AGO2: variants seen among roughly 807,000 people sequenced by gnomAD.
AGO2 encodes protein argonaute-2.
AGO2 carries 5 observed loss-of-function variants against 102.3 expected under a neutral mutation model. The ratio of observed to expected loss-of-function variants is 0.05; its 90% CI spans 0.03 to 0.10. The LOEUF is 0.10. Among genes scored for constraint, AGO2 ranks in the 10% least tolerant of loss-of-function variants. AGO2 has a pLI of 1.00. For synonymous variants in AGO2, 449 were observed against 473.1 expected, an observed-to-expected ratio of 0.95 and a Z score of 0.66; for missense variants, 541 against 1,183.7, an observed-to-expected ratio of 0.46 and a Z score of 7.97.
chr8:140,554,737 G>T (rs1027049366), intron 10 of AGO2, among the ~76,000 whole-genome samples: 3 of 151,914 alleles, frequency 2.0e-5, no homozygotes, highest in Admixed American at 6.6e-5. Flanking sequence ...TTTCGCCCAG[G>T]CTTGAGTGCA....
At chr8:140,632,707 T>TA (rs2074356576) in intron 1 of AGO2, among the ~76,000 whole-genome samples, 1 of 152,352 alleles carries the variant, frequency 6.6e-6, no homozygotes, top group African/African-American at 2.4e-5. Flanking sequence ...CCACCCATCT[T>TA]AAACAACTAA....
chr8:140,573,749 G>A (rs367943520), intron 2 of AGO2, among the ~76,000 whole-genome samples: 6 of 152,242 alleles, frequency 3.9e-5, no homozygotes, highest in Non-Finnish European at 5.9e-5. Flanking sequence ...AGGGTCAGGC[G>A]CCCATGCCTC....
chr8:140,620,534 T>C (rs913485382), intron 1 of AGO2, among the ~76,000 whole-genome samples: 6 of 152,206 alleles, frequency 3.9e-5, no homozygotes, highest in Non-Finnish European at 7.3e-5. Flanking sequence ...TCCACTTTTA[T>C]GTACATTTGA....
chr8:140,627,191 G>A (rs1274032604), intron 1 of AGO2, among the ~76,000 whole-genome samples: 2 of 152,232 alleles, frequency 1.3e-5, no homozygotes, highest in Non-Finnish European at 2.9e-5. Context: ...CCCACGGGAG[G>A]ATCCTTTCAC....
Position 140,560,402 on chromosome 8 carries a change from A to G in AGO2, c.627T>C (p.Ser209=), listed in dbSNP as rs1647645645. The change falls in exon 5 of 19, where the codon TCT becomes TCC. Residue 209 remains serine (S), a synonymous_variant. Transcript: ENST00000220592. ...CAATATTCAGCATCATTTTCCAGAG[A>G]GAAGGCCGGACGGACTGATGGAAGC... The part of the protein sequence containing the change: ...WFGFHQSVRP[S]LWKMMLNIDV... The G allele has an allele frequency of 5.6e-6, 9 of 1,614,168 alleles. No homozygotes were observed. Among genetic ancestry groups the G allele is most frequent in the Non-Finnish European group, 7.6e-6 (9 of 1,180,008 alleles).
intron 1 of AGO2, among the ~76,000 whole-genome samples, chr8:140,590,676 C>T (rs13271395): frequency 0.79 from 120,735 of 152,164 alleles, 48,215 homozygotes; most frequent in Admixed American, 0.84. Context: ...AGGAAGAGTG[C>T]ACCCTCCAGC....
rs560321863 is a variant in AGO2, at chr8:140,599,612, AC to A, written c.23-14302del. On this transcript the variant is annotated intron_variant, in intron 1 of 18. Transcript: ENST00000220592. ...CCTAAGTGAGAAATTTCACACGCTC[AC>A]CCGGGGTGCTCAAAGCCATCTCTCT... 2.3e-4 allele frequency among the ~76,000 whole-genome samples: 35 copies of A among 152,244 alleles called. 3 individuals are homozygous for A. In the South Asian group the frequency reaches 6.6e-3, roughly 29 times the overall value.
intron 1 of AGO2, among the ~76,000 whole-genome samples, chr8:140,611,132 A>G (rs2074071487): frequency 6.6e-6 from 1 of 152,106 alleles, no homozygotes; most frequent in Non-Finnish European, 1.5e-5. Context: ...CCCTGTGCTG[A>G]CATTTGCTCC....
upstream of AGO2, chr8:140,638,361 GTT>G (rs1491307969): frequency 1.3e-5 from 2 of 152,238 alleles, no homozygotes; most frequent in Non-Finnish European, 2.9e-5. Context: ...TGATAAATAA[GTT>G]TATTGTCTGC....
At chr8:140,577,875 GC>G in intron 2 of AGO2, among the ~76,000 whole-genome samples, 1 of 152,392 alleles carries the variant, frequency 6.6e-6, no homozygotes. Flanking sequence ...TGACGGTCCT[GC>G]AGGCCCCTGG....
chr8:140,607,205 T>C (rs2074009104), intron 1 of AGO2, among the ~76,000 whole-genome samples: 2 of 151,726 alleles, frequency 1.3e-5, no homozygotes, highest in Non-Finnish European at 2.9e-5. Context: ...CCCGAGATCA[T>C]GTCATTGCAC....
At chr8:140,548,715 C>T (rs2072944778) in intron 12 of AGO2, among the ~76,000 whole-genome samples, 1 of 152,240 alleles carries the variant, frequency 6.6e-6, no homozygotes, top group Admixed American at 6.5e-5. Context: ...CGAAACTCCA[C>T]AAAATTCTGA....
At chr8:140,576,934 G>T (rs1305042859) in intron 2 of AGO2, among the ~76,000 whole-genome samples, 1 of 152,132 alleles carries the variant, frequency 6.6e-6, no homozygotes, top group Non-Finnish European at 1.5e-5. Flanking sequence ...CGGGCCAGGC[G>T]CGATGGCTCA....
intron 5 of AGO2, among the ~76,000 whole-genome samples, 173 bp downstream of exon 5, chr8:140,560,201 T>C (rs995511729): frequency 2.6e-5 from 4 of 152,308 alleles, no homozygotes; most frequent in African/African-American, 9.6e-5. Context: ...TGAGAGCCAC[T>C]GCCGTAACCC....
At chr8:140,585,076 G>A (rs553546681) in intron 2 of AGO2, 43 bp downstream of exon 2, 190 of 1,571,546 alleles carry the variant, frequency 1.2e-4, no homozygotes, top group South Asian at 5.9e-4. Flanking sequence ...GTGTCTGTCC[G>A]CGCAGACCAC....
chr8:140,610,373 A>G (rs907978289), intron 1 of AGO2, among the ~76,000 whole-genome samples: 9 of 152,102 alleles, frequency 5.9e-5, no homozygotes, highest in African/African-American at 2.2e-4. Flanking sequence ...GCCCACCACC[A>G]TGCCCAGCTA....
chr8:140,606,391 T>C (rs1320900068), intron 1 of AGO2, among the ~76,000 whole-genome samples: 3 of 152,238 alleles, frequency 2.0e-5, no homozygotes, highest in Non-Finnish European at 4.4e-5. Flanking sequence ...ACATGATGTT[T>C]AACAAATCCA....
At chr8:140,551,634 A>AGATGGGTGGGTGGATGGCT (rs2072997232) in intron 10 of AGO2, among the ~76,000 whole-genome samples, 198 bp from the exon 11 acceptor site, 1 of 66,912 alleles carries the variant, frequency 1.5e-5, no homozygotes, top group Admixed American at 1.7e-4. Flanking sequence ...GGCTGGTGGA[A>AGATGGGTGGGTGGATGGCT]GATGGGTGGG....
chr8:140,636,147 AG>A (rs1267194714), upstream of AGO2: 1 of 151,094 alleles, frequency 6.6e-6, no homozygotes, highest in Non-Finnish European at 1.5e-5. Context: ...AGAAACACGG[AG>A]GTCGGGAAGC....
Sources: allele counts gnomAD v4.1 joint callset (sites outside exome capture counted in the v4.1 genomes callset), GRCh38; gene constraint gnomAD v4.1.1; transcripts MANE v1.5; gene names NCBI Gene and HGNC (gene_info 2026-07-23, HGNC 2026-07-21).